RSF1: variants seen among roughly 807,000 people sequenced by gnomAD.
The protein encoded by RSF1 is HBV pX-associated protein 8.
Under a neutral mutation model 145.2 loss-of-function variants are expected in RSF1, and 13 were observed. The observed-to-expected ratio is 0.09, with a 90% CI of 0.06 to 0.14. The LOEUF is 0.14. Ranked by LOEUF, RSF1 falls within the 10% of genes least tolerant of loss-of-function variation. RSF1 has a pLI of 1.00. For missense variants in RSF1, 1,517 were observed against 1,718.2 expected (o/e 0.88, Z 2.07); for synonymous variants, 577 against 592.6 (o/e 0.97, Z 0.38).
intron 5 of RSF1, among the ~76,000 whole-genome samples, chr11:77,710,462 T>C (rs1439852973): frequency 6.6e-6 from 1 of 152,208 alleles, no homozygotes; most frequent in African/African-American, 2.4e-5. Flanking sequence ...CTATCCCTTA[T>C]TTTTCTTGCA....
intron 5 of RSF1, among the ~76,000 whole-genome samples, chr11:77,721,927 C>T (rs570559838): frequency 6.6e-6 from 1 of 152,282 alleles, no homozygotes; most frequent in South Asian, 2.1e-4. Flanking sequence ...AATCCCAGAA[C>T]TTCGGAGGGC....
intron 11 of RSF1, among the ~76,000 whole-genome samples, chr11:77,682,947 G>A (rs1372856381): frequency 1.3e-5 from 2 of 152,184 alleles, no homozygotes; most frequent in Admixed American, 6.5e-5. Context: ...AGATAGAGTT[G>A]GAGAGGGAAG....
chr11:77,700,061 A>C (rs1960377166), intron 6 of RSF1, among the ~76,000 whole-genome samples: 1 of 152,160 alleles, frequency 6.6e-6, no homozygotes, highest in Admixed American at 6.6e-5. Flanking sequence ...TGCATGAAAA[A>C]GGACTGGAGG....
chr11:77,752,040 G>A (rs928085496), intron 2 of RSF1, among the ~76,000 whole-genome samples: 1 of 152,158 alleles, frequency 6.6e-6, no homozygotes, highest in African/African-American at 2.4e-5. Flanking sequence ...AGATACCATG[G>A]TGAAAAAGAC....
At chr11:77,808,866 G>C (rs1948705005) in intron 1 of RSF1, among the ~76,000 whole-genome samples, 1 of 152,178 alleles carries the variant, frequency 6.6e-6, no homozygotes, top group Non-Finnish European at 1.5e-5. Flanking sequence ...TAATGTTCAT[G>C]CTAATAAAAT....
chr11:77,674,244 C>T (rs1959631944), intron 14 of RSF1, among the ~76,000 whole-genome samples: 5 of 152,148 alleles, frequency 3.3e-5, no homozygotes, highest in Admixed American at 2.6e-4. Context: ...GAGTCTGATA[C>T]TCATATCTAT....
At chr11:77,846,477 C>T in the RSF1 span, among the ~76,000 whole-genome samples, 1 of 152,276 alleles carries the variant, frequency 6.6e-6, no homozygotes, top group Admixed American at 6.5e-5. Context: ...GAGGCTGAGG[C>T]AGGCGGATCA....
intron 14 of RSF1, 143 bp downstream of exon 14, chr11:77,674,893 G>A (rs961661863): frequency 3.3e-6 from 2 of 599,504 alleles, no homozygotes; most frequent in Non-Finnish European, 5.7e-6. Flanking sequence ...CAGCTACTTG[G>A]GAGGCTGAGG....
chr11:77,849,606 G>T, the RSF1 span, among the ~76,000 whole-genome samples: 33,786 of 151,454 alleles, frequency 0.22, 3,832 homozygotes, highest in Middle Eastern at 0.26. Flanking sequence ...TGATCCTTTT[G>T]CCTTGGCCTC....
intron 9 of RSF1, among the ~76,000 whole-genome samples, chr11:77,690,031 G>A (rs1356342041): frequency 1.3e-5 from 2 of 151,898 alleles, no homozygotes; most frequent in Non-Finnish European, 2.9e-5. Context: ...GCGTGGTGGC[G>A]GGTGCCTGTA....
rs554855268 is a variant in RSF1, at chr11:77,663,004, G to A, written c.*3913C>T. 3.4e-5 allele frequency: 5 copies of A among 145,112 alleles called. No homozygotes were observed. In the East Asian group the frequency reaches 1.1e-3, roughly 31 times the overall value. 9.0% of individuals were successfully genotyped at this position (145,112 alleles called of 1,614,324 possible). A position where few individuals can be genotyped will look rare whatever the true frequency, so the allele number is the denominator to read the frequency against. On this transcript the variant is annotated 3_prime_UTR_variant, in exon 16 of 16. Transcript: ENST00000308488. Reference sequence around the variant, plus strand: ...TTTTTATTTTTTCTGATACTTATCTGAAGTGTGTGCGTGTGCACACACACA... The same window carrying A: ...TTTTTATTTTTTCTGATACTTATCTAAAGTGTGTGCGTGTGCACACACACA...
intron 1 of RSF1, among the ~76,000 whole-genome samples, chr11:77,785,716 C>T (rs1948447499): frequency 6.6e-6 from 1 of 151,258 alleles, no homozygotes; most frequent in African/African-American, 2.4e-5. Flanking sequence ...CTCTGGGAGG[C>T]CGAGGCAGGT....
intron 1 of RSF1, among the ~76,000 whole-genome samples, chr11:77,802,850 TA>T (rs1948639357): frequency 6.6e-6 from 1 of 151,898 alleles, no homozygotes; most frequent in Non-Finnish European, 1.5e-5. Context: ...CAAAACCATT[TA>T]AAAGATATCA....
chr11:77,774,525 T>C (rs1283604549), intron 1 of RSF1, among the ~76,000 whole-genome samples: 1 of 151,292 alleles, frequency 6.6e-6, no homozygotes, highest in Non-Finnish European at 1.5e-5. Context: ...TGAACTGAGA[T>C]TGCATCACTG....
At chr11:77,787,307 A>T (rs2135962692) in intron 1 of RSF1, among the ~76,000 whole-genome samples, 1 of 152,334 alleles carries the variant, frequency 6.6e-6, no homozygotes, top group East Asian at 1.9e-4. Context: ...CCTACAGATC[A>T]AATGTGGTTC....
intron 10 of RSF1, among the ~76,000 whole-genome samples, chr11:77,684,266 T>C (rs1208015198): frequency 6.6e-6 from 1 of 152,244 alleles, no homozygotes; most frequent in East Asian, 1.9e-4. Context: ...TTTTACAAAT[T>C]GCAAAAATTA....
At chr11:77,779,804 T>C (rs585513) in intron 1 of RSF1, among the ~76,000 whole-genome samples, 118,406 of 152,154 alleles carry the variant, frequency 0.78, 46,251 homozygotes, top group South Asian at 0.9. Context: ...TCTCATGTAA[T>C]GAGAAGTCCA....
At chr11:77,781,410 ACT>A (rs1948403040) in intron 1 of RSF1, among the ~76,000 whole-genome samples, 33 of 152,106 alleles carry the variant, frequency 2.2e-4, no homozygotes, top group Non-Finnish European at 2.9e-5. Context: ...CCGTGTTTTG[ACT>A]ATTATAAATA....
chr11:77,861,079 A>C, the RSF1 span, among the ~76,000 whole-genome samples: 2 of 152,062 alleles, frequency 1.3e-5, no homozygotes, highest in Admixed American at 1.3e-4. Flanking sequence ...AGAATCCTTT[A>C]ATTTAATTTG....
Sources: allele counts gnomAD v4.1 joint callset (sites outside exome capture counted in the v4.1 genomes callset), GRCh38; gene constraint gnomAD v4.1.1; transcripts MANE v1.5; gene names NCBI Gene and HGNC (gene_info 2026-07-23, HGNC 2026-07-21).